The following CDH13 variants were observed in gnomAD, a reference collection of about 807,000 sequenced individuals.
The protein encoded by CDH13 is cadherin-13.
In CDH13, 24 loss-of-function variants were observed where a neutral mutation model predicts 63.8. The observed-to-expected ratio is 0.38, with a 90% CI of 0.27 to 0.53. CDH13 has a LOEUF of 0.53. Among genes scored for constraint, CDH13 ranks in the 20% least tolerant of loss-of-function variants. The pLI is 0.85. For synonymous variants in CDH13, 503 were observed against 355.3 expected, an observed-to-expected ratio of 1.42 and a Z score of -4.67; for missense variants, 1,049 against 903.1, an observed-to-expected ratio of 1.16 and a Z score of -2.07.
chr16:83,457,144 C>A (rs1260448455), intron 6 of CDH13, among the ~76,000 whole-genome samples: 1 of 152,164 alleles, frequency 6.6e-6, no homozygotes, highest in Non-Finnish European at 1.5e-5. Context: ...TCTGCCACGT[C>A]CCTGGTATGA....
chr16:83,350,015 C>T (rs1281811236), intron 6 of CDH13, among the ~76,000 whole-genome samples: 1 of 152,138 alleles, frequency 6.6e-6, no homozygotes, highest in Non-Finnish European at 1.5e-5. Flanking sequence ...AGCTAAGGGG[C>T]AGGTAGCTAG....
intron 13 of CDH13, among the ~76,000 whole-genome samples, chr16:83,783,854 AAAC>A (rs1915698627): frequency 6.6e-6 from 1 of 152,214 alleles, no homozygotes. Context: ...TGCAAGGTTA[AAAC>A]AGATATTATG....
rs565891272 is a variant in CDH13, at chr16:82,877,974, C to T, written c.157+19501C>T. On this transcript the variant is annotated intron_variant, in intron 2 of 13. Transcript: ENST00000567109. ...ACACACACACACATATACACACACA[C>T]ACACTCTATATATGTATATATATTC... Among the ~76,000 whole-genome samples the T allele has an allele frequency of 3.0e-3, 449 of 147,346 alleles. 4 individuals carry two copies. The highest frequency in any genetic ancestry group is 0.011 in the African/African-American group (432 of 40,302).
At chr16:82,643,089 T>G (rs1383863371) in intron 1 of CDH13, among the ~76,000 whole-genome samples, 1 of 152,224 alleles carries the variant, frequency 6.6e-6, no homozygotes, top group Non-Finnish European at 1.5e-5. Context: ...GGGTATAGAA[T>G]TGCTTTGGGG....
chr16:82,722,813 A>G (rs1288914439), intron 1 of CDH13, among the ~76,000 whole-genome samples: 1 of 152,150 alleles, frequency 6.6e-6, no homozygotes, highest in Non-Finnish European at 1.5e-5. Flanking sequence ...ATACATACAT[A>G]TAAGCCTTTT....
At chr16:83,007,566 A>T (rs927215410) in intron 2 of CDH13, among the ~76,000 whole-genome samples, 1 of 152,198 alleles carries the variant, frequency 6.6e-6, no homozygotes. Flanking sequence ...TCAGTGGCTC[A>T]TGCCTGTAAC....
chr16:82,856,430 A>G (rs986261283), intron 1 of CDH13, among the ~76,000 whole-genome samples: 4 of 149,958 alleles, frequency 2.7e-5, no homozygotes, highest in African/African-American at 9.8e-5. Context: ...AGCTGGGTGC[A>G]GTGGCTCACG....
intron 1 of CDH13, among the ~76,000 whole-genome samples, chr16:82,763,283 T>C (rs2034923936): frequency 1.3e-5 from 2 of 152,212 alleles, no homozygotes; most frequent in Admixed American, 1.3e-4. Flanking sequence ...TCTGTCCCTT[T>C]ATCCTGCTTT....
intron 4 of CDH13, among the ~76,000 whole-genome samples, chr16:83,192,515 C>T (rs895859170): frequency 6.6e-6 from 1 of 152,172 alleles, no homozygotes; most frequent in African/African-American, 2.4e-5. Context: ...CCTCCACATG[C>T]TCTGAGAAAA....
intron 10 of CDH13, among the ~76,000 whole-genome samples, chr16:83,711,232 A>C (rs183545460): frequency 1.3e-5 from 2 of 152,352 alleles, no homozygotes; most frequent in African/African-American, 4.8e-5. Flanking sequence ...ATTCTTTAGC[A>C]AGGATGCCCC....
chr16:83,020,081 A>G (rs1915206458), intron 2 of CDH13, among the ~76,000 whole-genome samples: 1 of 152,134 alleles, frequency 6.6e-6, no homozygotes, highest in Non-Finnish European at 1.5e-5. Context: ...CTCCGTTATC[A>G]TCTTACGGGA....
intron 7 of CDH13, among the ~76,000 whole-genome samples, chr16:83,570,420 C>T (rs1904466563): frequency 6.6e-6 from 1 of 152,136 alleles, no homozygotes; most frequent in Non-Finnish European, 1.5e-5. Context: ...CTTCATCTGC[C>T]ATTTAACCCA....
chr16:82,667,992 C>T (rs558249079), intron 1 of CDH13, among the ~76,000 whole-genome samples: 2 of 152,250 alleles, frequency 1.3e-5, no homozygotes, highest in East Asian at 1.9e-4. Context: ...TTGAATGTTA[C>T]GCATCTATCG....
At chr16:82,861,264 T>C (rs2039934123) in intron 2 of CDH13, among the ~76,000 whole-genome samples, 1 of 152,202 alleles carries the variant, frequency 6.6e-6, no homozygotes, top group Non-Finnish European at 1.5e-5. Flanking sequence ...ACATTTGCAC[T>C]TCATATTTTT....
chr16:83,745,083 G>C (rs1400496807), intron 10 of CDH13, among the ~76,000 whole-genome samples: 1 of 152,212 alleles, frequency 6.6e-6, no homozygotes, highest in Non-Finnish European at 1.5e-5. Context: ...CCCAGGGCTG[G>C]TGTGAGGGCT....
chr16:82,645,723 A>G (rs919040545), intron 1 of CDH13, among the ~76,000 whole-genome samples: 17 of 152,184 alleles, frequency 1.1e-4, no homozygotes, highest in African/African-American at 4.1e-4. Flanking sequence ...CTGTGAAAAG[A>G]TACCTCACAG....
intron 1 of CDH13, among the ~76,000 whole-genome samples, chr16:82,811,616 G>A (rs970608230): frequency 1.3e-5 from 2 of 152,160 alleles, no homozygotes; most frequent in Non-Finnish European, 2.9e-5. Flanking sequence ...CTGAACTACA[G>A]TGTCCAGAAA....
chr16:83,725,144 G>T (rs150976500), intron 10 of CDH13, among the ~76,000 whole-genome samples: 2 of 152,282 alleles, frequency 1.3e-5, no homozygotes, highest in Admixed American at 1.3e-4. Flanking sequence ...CAGAGAGAAA[G>T]GCACATCAGT....
At chr16:83,074,124 C>G (rs915188330) in intron 3 of CDH13, among the ~76,000 whole-genome samples, 5 of 152,152 alleles carry the variant, frequency 3.3e-5, no homozygotes, top group Admixed American at 6.5e-5. Flanking sequence ...TAACTAATTT[C>G]TCTTCACTTA....
Sources: allele counts gnomAD v4.1 joint callset (sites outside exome capture counted in the v4.1 genomes callset), GRCh38; gene constraint gnomAD v4.1.1; transcripts MANE v1.5; gene names NCBI Gene and HGNC (gene_info 2026-07-23, HGNC 2026-07-21).